DTNB: variants seen among roughly 807,000 people sequenced by gnomAD.
DTNB encodes dystrobrevin beta, also known as DTN-B.
A neutral mutation model predicts 90.7 loss-of-function variants in DTNB; 63 were observed. The ratio of observed to expected loss-of-function variants is 0.69; its 90% CI spans 0.57 to 0.86. The LOEUF is 0.86. DTNB is among the 40% of genes least tolerant of loss of function. The pLI, the probability that DTNB is intolerant of heterozygous loss-of-function variation, is 0.00. For missense variants in DTNB, 744 were observed against 807.1 expected, an observed-to-expected ratio of 0.92 and a Z score of 0.95; for synonymous variants, 277 against 286.7, an observed-to-expected ratio of 0.97 and a Z score of 0.34.
chr2:25,649,195 C>T (rs1328208967), intron 2 of DTNB, among the ~76,000 whole-genome samples: 3 of 151,674 alleles, frequency 2.0e-5, no homozygotes, highest in East Asian at 3.9e-4. Context: ...TTAGTAGAGA[C>T]GGGGTTTCAC....
chr2:25,624,327 G>A (rs2073604224), intron 4 of DTNB, among the ~76,000 whole-genome samples: 1 of 152,188 alleles, frequency 6.6e-6, no homozygotes, highest in African/African-American at 2.4e-5. Flanking sequence ...AGGACCTCCT[G>A]AGGCTGTGTC....
chr2:25,665,339 G>A (rs1203226498), intron 1 of DTNB, among the ~76,000 whole-genome samples: 113 of 152,278 alleles, frequency 7.4e-4, no homozygotes, highest in Non-Finnish European at 4.4e-5. Context: ...TAAGAAGTCA[G>A]TGAGGGGCCA....
chr2:25,433,264 AG>A (rs2054557623), intron 13 of DTNB, among the ~76,000 whole-genome samples: 1 of 152,228 alleles, frequency 6.6e-6, no homozygotes, highest in Non-Finnish European at 1.5e-5. Flanking sequence ...GGAAAATTAC[AG>A]CCAGAATACT....
At chr2:25,619,541 A>C (rs2071837639) in intron 4 of DTNB, among the ~76,000 whole-genome samples, 1 of 152,260 alleles carries the variant, frequency 6.6e-6, no homozygotes, top group African/African-American at 2.4e-5. Flanking sequence ...TTTATAAATA[A>C]TCTAGCATTA....
At chr2:25,625,393 C>T (rs990750986) in intron 4 of DTNB, among the ~76,000 whole-genome samples, 6 of 152,016 alleles carry the variant, frequency 3.9e-5, no homozygotes, top group Non-Finnish European at 7.4e-5. Context: ...TTTTAAGCTT[C>T]CAGATAGCCA....
At chr2:25,451,133 TG>T (rs2059221905) in intron 12 of DTNB, among the ~76,000 whole-genome samples, 1 of 152,204 alleles carries the variant, frequency 6.6e-6, no homozygotes, top group Admixed American at 6.5e-5. Flanking sequence ...GTTCTACTAG[TG>T]TTTTTTTAGA....
At chr2:25,433,038 C>T in intron 13 of DTNB, 39 bp from the exon 14 acceptor site, 2 of 1,540,226 alleles carry the variant, frequency 1.3e-6, no homozygotes, top group Non-Finnish European at 1.8e-6. Flanking sequence ...CTGCACAGTG[C>T]TTCTCACTCA....
chr2:25,624,680 A>G (rs1165116637), intron 4 of DTNB, among the ~76,000 whole-genome samples: 3 of 152,196 alleles, frequency 2.0e-5, no homozygotes, highest in Non-Finnish European at 4.4e-5. Context: ...TAAGTAACAA[A>G]CCTTAAAGTG....
chr2:25,439,738 T>C (rs947652493), intron 12 of DTNB, among the ~76,000 whole-genome samples: 2 of 152,220 alleles, frequency 1.3e-5, no homozygotes, highest in African/African-American at 4.8e-5. Flanking sequence ...ATACCTTTAT[T>C]TTCTTGTCTA....
intron 12 of DTNB, among the ~76,000 whole-genome samples, chr2:25,443,334 G>T (rs1315287526): frequency 6.6e-6 from 1 of 152,146 alleles, no homozygotes; most frequent in Non-Finnish European, 1.5e-5. Context: ...ATTCTCTCAG[G>T]TTCAGGTGGA....
intron 8 of DTNB, among the ~76,000 whole-genome samples, chr2:25,548,016 T>C (rs574001841): frequency 1.3e-5 from 2 of 152,356 alleles, no homozygotes; most frequent in South Asian, 4.1e-4. Context: ...TCAGTTTTCA[T>C]TTCTGAAATT....
At chr2:25,655,818 G>C (rs12621584) in intron 1 of DTNB, among the ~76,000 whole-genome samples, 1 of 151,858 alleles carries the variant, frequency 6.6e-6, no homozygotes, top group Non-Finnish European at 1.5e-5. Flanking sequence ...TTTTGTTCCC[G>C]GCATGGCACG....
intron 16 of DTNB, among the ~76,000 whole-genome samples, chr2:25,404,199 G>A (rs971073230): frequency 6.6e-6 from 1 of 152,198 alleles, no homozygotes; most frequent in South Asian, 2.1e-4. Flanking sequence ...TATCCCGAGG[G>A]AGTCAGGTAC....
intron 6 of DTNB, among the ~76,000 whole-genome samples, chr2:25,592,560 G>GT (rs2063770707): frequency 6.6e-6 from 1 of 150,582 alleles, no homozygotes; most frequent in Admixed American, 6.6e-5. Flanking sequence ...CTTATTTTGG[G>GT]TTAGTTTCCC....
intron 1 of DTNB, among the ~76,000 whole-genome samples, chr2:25,662,688 AC>A (rs2083490179): frequency 6.7e-6 from 1 of 149,954 alleles, no homozygotes; most frequent in African/African-American, 2.5e-5. Flanking sequence ...ACAAACACAC[AC>A]ACACACACAC....
intron 16 of DTNB, among the ~76,000 whole-genome samples, chr2:25,408,275 C>A (rs1309739721): frequency 6.6e-6 from 1 of 151,888 alleles, no homozygotes; most frequent in African/African-American, 2.4e-5. Context: ...TGCCATTGCA[C>A]TCCAGCCTGG....
chr2:25,504,238 A>G (rs139034742), intron 9 of DTNB, among the ~76,000 whole-genome samples: 244 of 152,050 alleles, frequency 1.6e-3, no homozygotes, highest in Non-Finnish European at 1.5e-3. Context: ...ACTACACTCT[A>G]GCCTGGGTGA....
intron 2 of DTNB, among the ~76,000 whole-genome samples, chr2:25,645,429 TA>T (rs1196018438): frequency 6.6e-6 from 1 of 151,840 alleles, no homozygotes; most frequent in Non-Finnish European, 1.5e-5. Flanking sequence ...TAACAAAATC[TA>T]ATCTGTGGGG....
chr2:25,500,314 G>A (rs572352436), intron 9 of DTNB, among the ~76,000 whole-genome samples: 2 of 152,244 alleles, frequency 1.3e-5, no homozygotes, highest in South Asian at 4.1e-4. Flanking sequence ...ATCCAGACAA[G>A]GAATTCAAAG....
Sources: allele counts gnomAD v4.1 joint callset (sites outside exome capture counted in the v4.1 genomes callset), GRCh38; gene constraint gnomAD v4.1.1; transcripts MANE v1.5; gene names NCBI Gene and HGNC (gene_info 2026-07-23, HGNC 2026-07-21).